INTS4: variants seen among roughly 807,000 people sequenced by gnomAD.
INTS4 encodes MSTP093.
Under a neutral mutation model 119.5 loss-of-function variants are expected in INTS4, and 70 were observed. The observed-to-expected ratio is 0.59, with a 90% CI of 0.48 to 0.71. INTS4 has a LOEUF of 0.71. Ranked by LOEUF, INTS4 falls within the 30% of genes least tolerant of loss-of-function variation. INTS4 has a pLI of 0.00. For synonymous variants in INTS4, 316 were observed against 419.6 expected, an observed-to-expected ratio of 0.75 and a Z score of 3.02; for missense variants, 867 against 1,173.2, an observed-to-expected ratio of 0.74 and a Z score of 3.81.
chr11:77,984,404 G>A (rs1856374016), intron 2 of INTS4, among the ~76,000 whole-genome samples: 1 of 151,838 alleles, frequency 6.6e-6, no homozygotes, highest in African/African-American at 2.4e-5. Context: ...CGAGGCAGGA[G>A]AATCACTTGA....
intron 3 of INTS4, among the ~76,000 whole-genome samples, chr11:77,980,941 C>T (rs577326940): frequency 2.2e-4 from 33 of 151,618 alleles, no homozygotes; most frequent in South Asian, 2.1e-3. Flanking sequence ...TGCAGTGAGC[C>T]GAGATCGTGC....
At chr11:77,921,815 G>A (rs971824819) in intron 13 of INTS4, among the ~76,000 whole-genome samples, 1 of 152,178 alleles carries the variant, frequency 6.6e-6, no homozygotes, top group Non-Finnish European at 1.5e-5. Flanking sequence ...TGGATCACTT[G>A]AGGTCAGGAG....
chr11:77,980,325 A>G (rs1856156017), intron 3 of INTS4, among the ~76,000 whole-genome samples: 1 of 152,142 alleles, frequency 6.6e-6, no homozygotes, highest in Non-Finnish European at 1.5e-5. Flanking sequence ...ATGGGAAAAA[A>G]TGATACTTCT....
chr11:77,904,936 A>G (rs539125422), intron 16 of INTS4, among the ~76,000 whole-genome samples: 2 of 152,322 alleles, frequency 1.3e-5, no homozygotes, highest in South Asian at 4.1e-4. Flanking sequence ...TGCCAAGCTG[A>G]CAAGGGGTGG....
intron 15 of INTS4, 64 bp from the exon 16 acceptor site, chr11:77,907,874 A>G: frequency 9.7e-7 from 1 of 1,025,738 alleles, no homozygotes; most frequent in Admixed American, 2.1e-5. Flanking sequence ...CATAAAGATC[A>G]TGTCAAAAGC....
chr11:77,882,108 G>T (rs1951817131), intron 22 of INTS4, among the ~76,000 whole-genome samples: 1 of 152,022 alleles, frequency 6.6e-6, no homozygotes. Flanking sequence ...TAGAGATAGG[G>T]TTGCCCTATA....
intron 2 of INTS4, among the ~76,000 whole-genome samples, chr11:77,990,804 T>A (rs187345652): frequency 6.6e-6 from 1 of 152,228 alleles, no homozygotes; most frequent in East Asian, 1.9e-4. Flanking sequence ...GAATGGGTCA[T>A]GATTGATATT....
intron 18 of INTS4, among the ~76,000 whole-genome samples, chr11:77,900,244 T>C (rs763083657): frequency 5.3e-5 from 8 of 152,068 alleles, no homozygotes; most frequent in East Asian, 3.9e-4. Context: ...GGACTACTGG[T>C]GCATGCCACC....
At chr11:77,887,303 C>A (rs947353788) in intron 21 of INTS4, among the ~76,000 whole-genome samples, 2 of 152,200 alleles carry the variant, frequency 1.3e-5, no homozygotes, top group African/African-American at 4.8e-5. Context: ...ATCATATAAA[C>A]AGAACCAAAG....
At chr11:77,938,962 C>G (rs534004151) in intron 9 of INTS4, 137 bp from the exon 10 acceptor site, 1 of 622,962 alleles carries the variant, frequency 1.6e-6, no homozygotes, top group East Asian at 2.9e-5. Flanking sequence ...GTAGTTCATA[C>G]AAGAGAAATG....
intron 4 of INTS4, among the ~76,000 whole-genome samples, chr11:77,971,166 ATGTT>A (rs1173487887): frequency 6.6e-6 from 1 of 151,888 alleles, no homozygotes; most frequent in Non-Finnish European, 1.5e-5. Context: ...TTTGTGTTGT[ATGTT>A]TATCTTTTTT....
At chr11:77,884,908 C>A (rs972573047) in intron 21 of INTS4, 1 of 236,588 alleles carries the variant, frequency 4.2e-6, no homozygotes, top group Non-Finnish European at 9.1e-6. Flanking sequence ...GCACGTGCCA[C>A]CACGCCAGGT....
At chr11:77,936,821 G>C (rs1239760544) in intron 10 of INTS4, among the ~76,000 whole-genome samples, 1 of 152,132 alleles carries the variant, frequency 6.6e-6, no homozygotes, top group Non-Finnish European at 1.5e-5. Flanking sequence ...AACAATGTCA[G>C]TATCCTAATG....
rs2136668080 is a variant in INTS4 at position 77,990,108 on chromosome 11, A to C, written c.246+1000T>G. ...GTGTCACACACCTGCGGTCCTAGCCACTCTGGAGGCTGACGCAGGAGAATC... is the reference window on the plus strand; with the variant it reads ...GTGTCACACACCTGCGGTCCTAGCCCCTCTGGAGGCTGACGCAGGAGAATC... On this transcript the variant is annotated intron_variant, in intron 2 of 22. Coordinates refer to ENST00000534064, the MANE Select transcript of INTS4 (RefSeq NM_033547.4). Among the ~76,000 whole-genome samples, 3 of 151,034 alleles carry C rather than the reference A, an allele frequency of 2.0e-5. No individual in the cohort carries two copies. The Admixed American group carries it at 2.0e-4, about 10-fold the overall frequency.
chr11:77,913,429 A>G (rs1953133083), intron 15 of INTS4, among the ~76,000 whole-genome samples: 1 of 149,092 alleles, frequency 6.7e-6, no homozygotes. Context: ...CTCCTGCCTC[A>G]GCCTCCCGAG....
At chr11:77,961,159 A>AAG in intron 4 of INTS4, 21 bp from the exon 5 acceptor site, 1 of 1,531,494 alleles carries the variant, frequency 6.5e-7, no homozygotes, top group Non-Finnish European at 8.7e-7. Flanking sequence ...AAAAAAAAAA[A>AAG]AGAAAAAAAG....
chr11:77,961,693 A>C (rs1954481284), intron 4 of INTS4, among the ~76,000 whole-genome samples: 1 of 152,156 alleles, frequency 6.6e-6, no homozygotes. Flanking sequence ...TCTAACACAC[A>C]GGTTCATTTG....
At chr11:77,942,198 A>G (rs1953943867) in intron 8 of INTS4, among the ~76,000 whole-genome samples, 1 of 152,244 alleles carries the variant, frequency 6.6e-6, no homozygotes, top group African/African-American at 2.4e-5. Flanking sequence ...GAAACTGACA[A>G]GAAAAGAGAT....
At chr11:77,928,667 T>G (rs1953570894) in intron 10 of INTS4, 120 bp from the exon 11 acceptor site, 1 of 1,423,026 alleles carries the variant, frequency 7.0e-7, no homozygotes, top group Admixed American at 2.6e-5. Context: ...TGCAATGTGG[T>G]AAAACTCTGT....
Sources: allele counts gnomAD v4.1 joint callset (sites outside exome capture counted in the v4.1 genomes callset), GRCh38; gene constraint gnomAD v4.1.1; transcripts MANE v1.5; gene names NCBI Gene and HGNC (gene_info 2026-07-23, HGNC 2026-07-21).